The following MGMT variants were observed in gnomAD, a reference collection of about 807,000 sequenced individuals.
MGMT encodes O-6-methylguanine-DNA methyltransferase.
MGMT carries 14 observed loss-of-function variants against 15.9 expected under a neutral mutation model. The observed-to-expected ratio is 0.88, with a 90% CI of 0.58 to 1.37. The LOEUF (loss-of-function observed/expected upper bound fraction) is 1.37, where lower values mean the gene tolerates loss of function less well. Among genes scored for constraint, MGMT ranks in the 40% most tolerant of loss-of-function variants. MGMT has a pLI of 0.00. For missense variants in MGMT, 282 were observed against 268.1 expected (o/e 1.05, Z -0.36); for synonymous variants, 130 against 118.2 (o/e 1.10, Z -0.65).
intron 2 of MGMT, among the ~76,000 whole-genome samples, chr10:129,695,571 C>T (rs142091217): frequency 1.7e-3 from 264 of 152,282 alleles, no homozygotes; most frequent in African/African-American, 6.1e-3. Context: ...CTTGCTAAGA[C>T]AAAAAATAAT....
At chr10:129,738,734 A>G (rs1848595544) in intron 3 of MGMT, among the ~76,000 whole-genome samples, 1 of 152,230 alleles carries the variant, frequency 6.6e-6, no homozygotes, top group Non-Finnish European at 1.5e-5. Flanking sequence ...TACAAAGAAG[A>G]GCTGGTACCA....
intron 2 of MGMT, among the ~76,000 whole-genome samples, chr10:129,579,249 A>G (rs894202822): frequency 5.9e-5 from 9 of 152,238 alleles, no homozygotes; most frequent in Non-Finnish European, 1.2e-4. Context: ...GGAGTGCTGT[A>G]TTAAACAGAT....
chr10:129,473,151 G>A (rs1845251387), intron 1 of MGMT, among the ~76,000 whole-genome samples: 1 of 152,188 alleles, frequency 6.6e-6, no homozygotes, highest in Admixed American at 6.5e-5. Flanking sequence ...GATGGCAGTG[G>A]CCAGGAACCA....
intron 3 of MGMT, among the ~76,000 whole-genome samples, chr10:129,754,980 C>T (rs996068038): frequency 5.3e-5 from 8 of 152,216 alleles, no homozygotes; most frequent in African/African-American, 1.9e-4. Flanking sequence ...CTCCAGGGCT[C>T]AGGCTGTAGT....
At chr10:129,758,662 C>T (rs554800300) in intron 3 of MGMT, among the ~76,000 whole-genome samples, 53 of 152,286 alleles carry the variant, frequency 3.5e-4, no homozygotes, top group Non-Finnish European at 6.2e-4. Context: ...CCAAGGTCAC[C>T]GCCAGCCCCT....
At chr10:129,663,605 T>A (rs143333169) in intron 2 of MGMT, among the ~76,000 whole-genome samples, 15 of 151,854 alleles carry the variant, frequency 9.9e-5, no homozygotes, top group African/African-American at 2.9e-4. Context: ...AGGAAAAAAA[T>A]GGGGAAACAC....
At chr10:129,504,367 C>T (rs1033838461) in intron 1 of MGMT, among the ~76,000 whole-genome samples, 1 of 152,168 alleles carries the variant, frequency 6.6e-6, no homozygotes, top group Non-Finnish European at 1.5e-5. Flanking sequence ...CATTGAGTTA[C>T]AGGATAGTTG....
intron 3 of MGMT, among the ~76,000 whole-genome samples, chr10:129,723,288 CT>C (rs1848394706): frequency 6.6e-6 from 1 of 152,128 alleles, no homozygotes; most frequent in African/African-American, 2.4e-5. Context: ...ACCATTCCCC[CT>C]GAGTCCCCAA....
At chr10:129,483,779 G>T (rs1845382341) in intron 1 of MGMT, among the ~76,000 whole-genome samples, 1 of 151,618 alleles carries the variant, frequency 6.6e-6, no homozygotes, top group African/African-American at 2.4e-5. Flanking sequence ...TGTGAGAATG[G>T]GTTACATATC....
rs148525182 is a variant in MGMT at position 129,678,546 on chromosome 10, A to C, written c.126-29349A>C. On this transcript the variant is annotated intron_variant, in intron 2 of 4. Coordinates refer to ENST00000651593, the MANE Select transcript of MGMT (RefSeq NM_002412.5). ...CCTCAGGCAGCAGGAAAGACTTTTA[A>C]CCTACTAAACAAGCGTCTTCCCTGG... Among the ~76,000 whole-genome samples, 66 of 152,250 alleles carry C rather than the reference A, an allele frequency of 4.3e-4. 1 individual carries two copies. The East Asian group carries it at 0.012, about 27-fold the overall frequency.
chr10:129,569,178 G>A lies in MGMT; in HGVS notation c.125+32801G>A, dbSNP rs74160232. On this transcript the variant is annotated intron_variant, in intron 2 of 4. Transcript: ENST00000651593. ...CTGTGACTTCCTCCTCTGCTAATGC[G>A]GCACTCTCATGCCTGCCTCGCAGGT... Among the ~76,000 whole-genome samples, 4 of 152,152 alleles carry A rather than the reference G, an allele frequency of 2.6e-5. No individual in the cohort carries two copies. In the East Asian group the frequency reaches 7.7e-4, roughly 29 times the overall value.
chr10:129,531,514 C>T (rs898548643), intron 1 of MGMT, among the ~76,000 whole-genome samples: 3 of 152,088 alleles, frequency 2.0e-5, no homozygotes, highest in Non-Finnish European at 4.4e-5. Context: ...TCTGCTCGCC[C>T]GGTGTGCACA....
chr10:129,495,909 C>T (rs764876514), intron 1 of MGMT, among the ~76,000 whole-genome samples: 5 of 152,174 alleles, frequency 3.3e-5, no homozygotes, highest in African/African-American at 4.8e-5. Flanking sequence ...GTCTGGTGTC[C>T]TCCCCAGCGT....
At chr10:129,536,129 A>G in intron 1 of MGMT, 112 bp from the exon 2 acceptor site, 1 of 1,223,186 alleles carries the variant, frequency 8.2e-7, no homozygotes, top group Non-Finnish European at 1.2e-6. Context: ...AAAAATGAGG[A>G]AGAGCTTTGG....
At chr10:129,710,013 C>T (rs962199253) in intron 3 of MGMT, among the ~76,000 whole-genome samples, 3 of 152,250 alleles carry the variant, frequency 2.0e-5, no homozygotes, top group Admixed American at 2.0e-4. Flanking sequence ...GCAGTGTTTG[C>T]TGCTCCTAGA....
At chr10:129,492,944 A>G (rs1476247251) in intron 1 of MGMT, among the ~76,000 whole-genome samples, 1 of 152,120 alleles carries the variant, frequency 6.6e-6, no homozygotes, top group East Asian at 1.9e-4. Flanking sequence ...CCTGTCATCT[A>G]TCTTCCTTTG....
chr10:129,731,706 A>T (rs564590768), intron 3 of MGMT, among the ~76,000 whole-genome samples: 1 of 152,232 alleles, frequency 6.6e-6, no homozygotes, highest in Admixed American at 6.5e-5. Flanking sequence ...GAGACTTTTT[A>T]AATGTATTAA....
Position 129,624,205 on chromosome 10 carries a change from G to A in MGMT, c.126-83690G>A, listed in dbSNP as rs78998465. On this transcript the variant is annotated intron_variant, in intron 2 of 4. Coordinates refer to ENST00000651593, the MANE Select transcript of MGMT (RefSeq NM_002412.5). ...ATCAGTTTTAAGATTGACTGGGTTT[G>A]TGGACTGTGCCCAGGGTTTGTGCAC... 4.8e-3 allele frequency among the ~76,000 whole-genome samples: 738 copies of A among 152,314 alleles called. 4 individuals carry two copies. Among genetic ancestry groups the A allele is most frequent in the African/African-American group, 0.017 (701 of 41,566 alleles).
intron 1 of MGMT, among the ~76,000 whole-genome samples, chr10:129,526,005 A>G (rs1845865514): frequency 6.6e-6 from 1 of 152,192 alleles, no homozygotes; most frequent in South Asian, 2.1e-4. Flanking sequence ...AATGTAACAG[A>G]ACCCCTTTCG....
Sources: allele counts gnomAD v4.1 joint callset (sites outside exome capture counted in the v4.1 genomes callset), GRCh38; gene constraint gnomAD v4.1.1; transcripts MANE v1.5; gene names NCBI Gene and HGNC (gene_info 2026-07-23, HGNC 2026-07-21).